SACS: variants seen among roughly 807,000 people sequenced by gnomAD.
SACS encodes sacsin.
In SACS, 197 loss-of-function variants were observed where a neutral mutation model predicts 348.0. The observed-to-expected ratio is 0.57, with a 90% CI of 0.50 to 0.64. The LOEUF (loss-of-function observed/expected upper bound fraction) is 0.64, where lower values mean the gene tolerates loss of function less well. Ranked by LOEUF, SACS falls within the 30% of genes least tolerant of loss-of-function variation. SACS has a pLI of 0.00. For synonymous variants in SACS, 1,985 were observed against 1,910.6 expected, an observed-to-expected ratio of 1.04 and a Z score of -1.02; for missense variants, 4,999 against 5,360.8, an observed-to-expected ratio of 0.93 and a Z score of 2.11.
chr13:23,419,613 G>A lies in SACS; in HGVS notation c.-501-7873C>T, dbSNP rs576110544. 9.8e-4 allele frequency among the ~76,000 whole-genome samples: 149 copies of A among 151,998 alleles called. 1 individual carries two copies. Among genetic ancestry groups the A allele is most frequent in the African/African-American group, 2.8e-3 (115 of 41,444 alleles). ...TTCTCTTTTCTTATATTGCAATTTC[G>A]GGTCCCACATTTTCTTCCATTCGAA... On this transcript the variant is annotated intron_variant, in intron 1 of 9. Transcript: ENST00000382292.
intron 1 of SACS, among the ~76,000 whole-genome samples, chr13:23,421,162 A>G (rs1452061339): frequency 1.3e-5 from 2 of 151,792 alleles, no homozygotes; most frequent in East Asian, 3.9e-4. Flanking sequence ...GGTACCTGAT[A>G]TCCACCTGTG....
In SACS at chr13:23,418,060, C is replaced by CAAA. The variant is rs34026983; in HGVS notation, c.-501-6323_-501-6321dup. On this transcript the variant is annotated intron_variant, in intron 1 of 9. Coordinates refer to ENST00000382292, the MANE Select transcript of SACS (RefSeq NM_014363.6). The stretch of plus-strand genomic sequence containing the variant: ...CCAGCCTGGGAGTAAGATTCTGTCT[C>CAAA]AAAAAAAAAAAAAAAAAAATTCAAG... Among the ~76,000 whole-genome samples the CAAA allele has an allele frequency of 2.0e-3, 244 of 119,102 alleles. 1 individual carries two copies. The highest frequency in any genetic ancestry group is 7.3e-3 in the African/African-American group (232 of 31,940). The allele number at this position is 119,102 out of a possible 152,430, so 78.1% of individuals were successfully genotyped here.
rs1211756790 is a variant in SACS at position 23,329,685 on chromosome 13, A to C, written c.*451T>G. ...CTGATGAGAAAATAACGCATCCAAG[A>C]GGATCCACTTAAAAAAATGACAGAC... On this transcript the variant is annotated 3_prime_UTR_variant, in exon 10 of 10. Coordinates refer to ENST00000382292, the MANE Select transcript of SACS (RefSeq NM_014363.6). 1.9e-6 allele frequency: 1 copy of C among 522,698 alleles called. No homozygotes were observed. 32.4% of individuals were successfully genotyped at this position (522,698 alleles called of 1,614,324 possible).
At position 23,371,235 on chromosome 13, in the gene SACS, C is replaced by T. The variant is rs188776930; in HGVS notation, c.172-70G>A. 262 of 933,358 alleles carry T rather than the reference C, an allele frequency of 2.8e-4. No individual in the cohort carries two copies. In the African/African-American group the frequency reaches 4.1e-3, roughly 15 times the overall value. 57.8% of individuals were successfully genotyped at this position (933,358 alleles called of 1,614,324 possible). A position where few individuals can be genotyped will look rare whatever the true frequency, so the allele number is the denominator to read the frequency against. ...TAATACTGTAAATTCAAGACATTAT[C>T]TCAAATTTTTTCACTTAAGTAATGC... is the stretch of plus-strand genomic sequence containing the variant. On this transcript the variant is annotated intron_variant, in intron 3 of 9. Coordinates refer to ENST00000382292, the MANE Select transcript of SACS (RefSeq NM_014363.6).
Position 23,354,839 on chromosome 13 carries a change from G to C in SACS, c.1773C>G (p.Leu591=). 2 of 1,614,206 alleles carry C rather than the reference G, an allele frequency of 1.2e-6. No individual in the cohort carries two copies. The highest frequency in any genetic ancestry group is 1.7e-6 in the Non-Finnish European group (2 of 1,180,036). The change falls in exon 8 of 10, where the codon CTC becomes CTG. Residue 591 remains leucine (L), a synonymous_variant. Coordinates refer to ENST00000382292, the MANE Select transcript of SACS (RefSeq NM_014363.6). ...GCTTCCCTGAGCTCTGGAGGTAGTT[G>C]AGCACAGTTTTTGTGTATTCTAAAT... The part of the protein sequence containing the change: ...DENLEYTKTV[L]NYLQSSGKQI...
In SACS at chr13:23,333,145, T is replaced by G. The variant is rs759287298; in HGVS notation, c.10731A>C (p.Thr3577=). The G allele has an allele frequency of 1.9e-6, 3 of 1,612,546 alleles. No individual in the cohort carries two copies. The highest frequency in any genetic ancestry group is 2.2e-5 in the South Asian group (2 of 90,682). Residue 3577 remains threonine, a synonymous_variant, in exon 10 of 10, where the codon ACA becomes ACC. Coordinates refer to ENST00000382292, the MANE Select transcript of SACS (RefSeq NM_014363.6). ...AGAATTCCACCCAGGATGTCATAAA[T>G]GTAACATGATTTTTGGGTTTTATAA... is the stretch of plus-strand genomic sequence containing the variant. ...EQLIKPKNHV[T]FMTSWVEFLR...
chr13:23,358,183 C>A, intron 7 of SACS, 152 bp downstream of exon 7: 1 of 794,414 alleles, frequency 1.3e-6, no homozygotes, highest in South Asian at 1.6e-5. Flanking sequence ...TCAGTATGCA[C>A]TGATATTTCA....
chr13:23,413,645 C>G (rs1399258743), intron 1 of SACS, among the ~76,000 whole-genome samples: 1 of 152,114 alleles, frequency 6.6e-6, no homozygotes, highest in Non-Finnish European at 1.5e-5. Context: ...CATGAAAACC[C>G]AGGAAAAGAG....
At position 23,339,485 on chromosome 13, in the gene SACS, A is replaced by G. The variant is rs1228292257; in HGVS notation, c.4391T>C (p.Ile1464Thr). Residue 1464 changes from isoleucine (I) to threonine (T), a missense_variant, in exon 10 of 10, where the codon ATT becomes ACT. Physicochemically the swap from Ile to Thr is moderately conservative, Grantham distance 89 (BLOSUM62 -1). Transcript: ENST00000382292. ...SGQREPLTVR[I>T]KNILEEYPSV... ...AGGGTATTCTTCCAGAATATTTTTA[A>G]TTCTTACAGTAAGTGGCTCTCTTTG... 6.2e-7 allele frequency: 1 copy of G among 1,607,426 alleles called. No homozygotes were observed. Among genetic ancestry groups the G allele is most frequent in the Admixed American group, 1.7e-5 (1 of 59,152 alleles).
intron 6 of SACS, among the ~76,000 whole-genome samples, chr13:23,358,863 A>G (rs118107247): frequency 0.019 from 2,882 of 152,278 alleles, 38 homozygotes; most frequent in Non-Finnish European, 0.029. Context: ...AATATTTCAT[A>G]TATTTCATAA....
rs1194302679 is a variant in SACS at position 23,332,559 on chromosome 13, A to C, written c.11317T>G (p.Leu3773Val). The stretch of plus-strand genomic sequence containing the variant: ...CTGAGGAATTCATATATGCTCCTTA[A>C]GACTTTTGCTCTAGTTTTTACCATT... ...EEMVKTRAKV[L>V]RSIYEFLSAE... Residue 3773 changes from leucine to valine, a missense_variant, in exon 10 of 10, where the codon TTA becomes GTA. Leu to Val is a conservative substitution (Grantham distance 32, BLOSUM62 1). This residue lies in a region of SACS where 831 missense variants were observed against 941.8 expected (regional missense o/e 0.88). Coordinates refer to ENST00000382292, the MANE Select transcript of SACS (RefSeq NM_014363.6). 1 of 1,613,964 alleles carries C rather than the reference A, an allele frequency of 6.2e-7. No homozygotes were observed. Among genetic ancestry groups the C allele is most frequent in the Middle Eastern group, 1.6e-4 (1 of 6,062 alleles).
In SACS at chr13:23,331,760, T is replaced by C; in HGVS notation, c.12116A>G (p.Lys4039Arg). The change falls in exon 10 of 10, where the codon AAA becomes AGA. Residue 4039 changes from lysine to arginine, a missense_variant. Lys to Arg is a conservative substitution (Grantham distance 26). Coordinates refer to ENST00000382292, the MANE Select transcript of SACS (RefSeq NM_014363.6). ...TACTTTCAATCCTTCTCTTAGGGCT[T>C]TGCAAAGTCTTATGGCTTTTTCTTC... The part of the protein sequence containing the change: ...ANEEKAIRLC[K>R]ALREGLKVSC... 6.2e-7 allele frequency: 1 copy of C among 1,613,982 alleles called. No homozygotes were observed. Among genetic ancestry groups the C allele is most frequent in the South Asian group, 1.1e-5 (1 of 91,076 alleles).
intron 9 of SACS, among the ~76,000 whole-genome samples, chr13:23,344,813 G>A (rs1869493553): frequency 1.3e-5 from 2 of 152,218 alleles, no homozygotes; most frequent in South Asian, 4.1e-4. Context: ...TCTTCCAAGA[G>A]TAGCTTTTGC....
intron 6 of SACS, among the ~76,000 whole-genome samples, chr13:23,364,047 C>T (rs547945885): frequency 8.5e-5 from 13 of 152,274 alleles, no homozygotes; most frequent in African/African-American, 2.4e-4. Context: ...AGGACTAGAA[C>T]GCACACCTCC....
intron 6 of SACS, among the ~76,000 whole-genome samples, chr13:23,360,797 C>G (rs1300222608): frequency 4.0e-5 from 6 of 151,016 alleles, no homozygotes; most frequent in African/African-American, 9.8e-5. Flanking sequence ...CTCTTGTTGC[C>G]CAGGCTGGAG....
At chr13:23,358,284 T>C (rs776598433) in intron 7 of SACS, 51 bp downstream of exon 7, 2 of 1,575,248 alleles carry the variant, frequency 1.3e-6, no homozygotes, top group South Asian at 2.2e-5. Flanking sequence ...CATTACAGAA[T>C]GTAAGATATA....
At chr13:23,426,813 G>C (rs993221311) in intron 1 of SACS, among the ~76,000 whole-genome samples, 8 of 152,298 alleles carry the variant, frequency 5.3e-5, no homozygotes, top group African/African-American at 1.9e-4. Flanking sequence ...ATCTATCTCA[G>C]AGAGCAGAGG....
At chr13:23,377,874 T>A (rs934246761) in intron 2 of SACS, among the ~76,000 whole-genome samples, 1 of 152,158 alleles carries the variant, frequency 6.6e-6, no homozygotes, top group African/African-American at 2.4e-5. Context: ...CACAGAGTAG[T>A]CCCAAGAGTA....
chr13:23,370,434 T>C (rs1375690376), intron 4 of SACS, among the ~76,000 whole-genome samples: 1 of 152,338 alleles, frequency 6.6e-6, no homozygotes, highest in East Asian at 1.9e-4. Flanking sequence ...ATCTCTTCTG[T>C]TGTGCTTTAT....
Sources: allele counts gnomAD v4.1 joint callset (sites outside exome capture counted in the v4.1 genomes callset), GRCh38; gene constraint gnomAD v4.1.1; regional missense constraint gnomAD v4.1.1; transcripts MANE v1.5; gene names NCBI Gene and HGNC (gene_info 2026-07-23, HGNC 2026-07-21).